GGA1: variants seen among roughly 807,000 people sequenced by gnomAD.
GGA1 encodes the protein ADP-ribosylation factor-binding protein GGA1.
A neutral mutation model predicts 76.9 loss-of-function variants in GGA1; 18 were observed. The ratio of observed to expected loss-of-function variants is 0.23; its 90% CI spans 0.16 to 0.35. The LOEUF (loss-of-function observed/expected upper bound fraction) is 0.35, where lower values mean the gene tolerates loss of function less well. Among genes scored for constraint, GGA1 ranks in the 10% least tolerant of loss-of-function variants. The pLI, the probability that GGA1 is intolerant of heterozygous loss-of-function variation, is 1.00. For missense variants in GGA1, 755 were observed against 859.0 expected (o/e 0.88, Z 1.51); for synonymous variants, 342 against 354.7 (o/e 0.96, Z 0.40).
At chr22:37,612,364 C>A (rs185408110) in intron 1 of GGA1, among the ~76,000 whole-genome samples, 2,658 of 145,532 alleles carry the variant, frequency 0.018, 98 homozygotes, top group African/African-American at 0.066. Flanking sequence ...CCCAGCTACT[C>A]GGGAGGCTGA....
At position 37,608,868 on chromosome 22, in the gene GGA1, C is replaced by T. The variant is rs1031819041; in HGVS notation, c.8C>T (p.Pro3Leu). MEPAMEPETLEAR... is the reference protein window; with the variant it reads MELAMEPETLEAR... ...GCTGGGGGCCGGTGGCGGATGGAGC[C>T]CGCGATGGAGCCGGAGACTCTGGAG... is the stretch of plus-strand genomic sequence containing the variant. Residue 3 changes from proline (P) to leucine (L), a missense_variant, in exon 1 of 17, where the codon CCC (proline) becomes CTC (leucine). Physicochemically the swap from Pro to Leu is moderately conservative, Grantham distance 98 (BLOSUM62 -3). Coordinates refer to ENST00000343632, the MANE Select transcript of GGA1 (RefSeq NM_013365.5). 17 of 1,306,102 alleles carry T rather than the reference C, an allele frequency of 1.3e-5. No homozygotes were observed. The highest frequency in any genetic ancestry group is 1.7e-5 in the Non-Finnish European group (17 of 1,028,110). The allele number at this position is 1,306,102 out of a possible 1,614,324, so 80.9% of individuals were successfully genotyped here. A position where few individuals can be genotyped will look rare whatever the true frequency, so the allele number is the denominator to read the frequency against.
Position 37,616,931 on chromosome 22 carries a change from C to G in GGA1, c.138C>G (p.Leu46=), listed in dbSNP as rs199706784. 1 of 1,605,632 alleles carries G rather than the reference C, an allele frequency of 6.2e-7. No individual in the cohort carries two copies. Among genetic ancestry groups the G allele is most frequent in the South Asian group, 1.1e-5 (1 of 89,552 alleles). ...TGTTCCTCCCACCCAGGCCTCCACT[C>G]GCCACCCGGCTGCTGGCCCACAAGA... The part of the protein sequence containing the change: ...QLNEDFEGPP[L]ATRLLAHKIQ... The change falls in exon 3 of 17, where the codon CTC becomes CTG. Residue 46 remains leucine (L), a synonymous_variant. Coordinates refer to ENST00000343632, the MANE Select transcript of GGA1 (RefSeq NM_013365.5).
chr22:37,611,139 C>T (rs1271304308), intron 1 of GGA1, among the ~76,000 whole-genome samples: 1 of 152,206 alleles, frequency 6.6e-6, no homozygotes, highest in Non-Finnish European at 1.5e-5. Context: ...GACTCGGAGG[C>T]AGAGTAGACA....
chr22:37,620,466 G>T (rs1235517441), intron 5 of GGA1, 105 bp downstream of exon 5: 1 of 1,222,260 alleles, frequency 8.2e-7, no homozygotes, highest in Admixed American at 1.9e-5. Flanking sequence ...GCAAGGTCAT[G>T]GGTCTGTCCT....
intron 14 of GGA1, among the ~76,000 whole-genome samples, chr22:37,631,674 G>A (rs1287442929): frequency 2.0e-5 from 3 of 152,206 alleles, no homozygotes; most frequent in Non-Finnish European, 2.9e-5. Flanking sequence ...GTCACACAGC[G>A]TGAGACTCAC....
Position 37,625,403 on chromosome 22 carries a change from G to T in GGA1, c.940+327G>T, listed in dbSNP as rs1373585932. On this transcript the variant is annotated intron_variant, in intron 10 of 16. Coordinates refer to ENST00000343632, the MANE Select transcript of GGA1 (RefSeq NM_013365.5). This position sits in a 1 kb window ranked among gnomAD's most constrained non-coding sequence, Gnocchi z 4.1. ...TTTATGTATCAGAAAATGCGAGGGG[G>T]GTTAGAAAAGTAAACATTACAGACT... 1.3e-5 allele frequency among the ~76,000 whole-genome samples: 2 copies of T among 152,056 alleles called. No individual in the cohort carries two copies. The highest frequency in any genetic ancestry group is 4.8e-5 in the African/African-American group (2 of 41,382).
intron 11 of GGA1, among the ~76,000 whole-genome samples, chr22:37,627,462 C>T (rs1341725295): frequency 6.6e-6 from 1 of 152,142 alleles, no homozygotes; most frequent in Non-Finnish European, 1.5e-5. Flanking sequence ...CATTCAGAGC[C>T]AAGGGTGACC....
intron 13 of GGA1, 47 bp downstream of exon 13, chr22:37,630,217 C>G (rs1931556468): frequency 5.7e-6 from 8 of 1,391,638 alleles, no homozygotes; most frequent in African/African-American, 1.5e-5. Flanking sequence ...ACTCCCTGTT[C>G]CCACAAACCA....
rs1158323144 is a variant in GGA1, at chr22:37,624,349, G to A, written c.833-620G>A. ...GCAGTGGTTCACACCTGTAATCCCA[G>A]CATTTTGGGAGGCCAAGGTGGGAGG... On this transcript the variant is annotated intron_variant, in intron 9 of 16. Transcript: ENST00000343632. The surrounding 1 kb of genome is among the most constrained non-coding windows in gnomAD (Gnocchi z 4.3). 6.5e-6 allele frequency: 1 copy of A among 153,134 alleles called. No individual in the cohort carries two copies. Among genetic ancestry groups the A allele is most frequent in the Non-Finnish European group, 1.5e-5 (1 of 68,800 alleles). The allele number at this position is 153,134 out of a possible 1,614,324, so 9.5% of individuals were successfully genotyped here.
At position 37,620,827 on chromosome 22, in the gene GGA1, G is replaced by A. The variant is rs762217256; in HGVS notation, c.442G>A (p.Asp148Asn). 6.5e-5 allele frequency: 104 copies of A among 1,607,266 alleles called. No homozygotes were observed. The East Asian group carries it at 2.1e-3, about 32-fold the overall frequency. Residue 148 changes from aspartate to asparagine, a missense_variant, in exon 6 of 17, where the codon GAC becomes AAC. Transcript: ENST00000343632. ...MLKKQGIVKS[D>N]PKLPDDTTFP... ...ATCTAATCCAGGGATTGTAAAGTCCGACCCCAAGCTTCCAGATGACACTAC... is the reference window on the plus strand; with the variant it reads ...ATCTAATCCAGGGATTGTAAAGTCCAACCCCAAGCTTCCAGATGACACTAC...
At chr22:37,620,167 G>A in intron 4 of GGA1, 71 bp from the exon 5 acceptor site, 9 of 1,574,924 alleles carry the variant, frequency 5.7e-6, no homozygotes, top group Non-Finnish European at 7.9e-6. Flanking sequence ...GCAGTAGGGT[G>A]TGGACAGGGC....
intron 11 of GGA1, chr22:37,626,904 G>A (rs1930955925): frequency 6.6e-6 from 1 of 152,326 alleles, no homozygotes; most frequent in Non-Finnish European, 1.5e-5. Context: ...GCTCACGCCT[G>A]GAATCCCAGC....
At chr22:37,612,923 T>C (rs1928007303) in intron 1 of GGA1, 2 of 985,172 alleles carry the variant, frequency 2.0e-6, no homozygotes, top group Non-Finnish European at 2.4e-6. Flanking sequence ...CATGTAGACC[T>C]GTTGGCCCTC....
chr22:37,625,886 C>G lies in GGA1; in HGVS notation c.1030C>G (p.Gln344Glu), dbSNP rs1930731536. 1 of 1,610,564 alleles carries G rather than the reference C, an allele frequency of 6.2e-7. No homozygotes were observed. The highest frequency in any genetic ancestry group is 1.3e-5 in the African/African-American group (1 of 74,940). Reference protein sequence around the residue: ...YPAMPTRPGEQASPEQPSASV... With the variant: ...YPAMPTRPGEEASPEQPSASV... ...AGCTATGCCCACCCGCCCTGGCGAG[C>G]AGGCCAGCCCTGAGCAGCCCAGTGC... The change falls in exon 11 of 17, where the codon CAG (glutamine) becomes GAG (glutamate). Residue 344 changes from glutamine to glutamate, a missense_variant. Transcript: ENST00000343632. The surrounding 1 kb of genome is among the most constrained non-coding windows in gnomAD (Gnocchi z 4.1).
intron 1 of GGA1, chr22:37,609,371 T>A (rs1286349222): frequency 1.8e-6 from 2 of 1,082,026 alleles, no homozygotes; most frequent in African/African-American, 1.7e-5. Context: ...GTAGTCACAT[T>A]TGCTCATTAC....
intron 3 of GGA1, 153 bp from the exon 4 acceptor site, chr22:37,618,295 G>A: frequency 1.7e-6 from 1 of 604,202 alleles, no homozygotes. Context: ...AGTCCCAGAG[G>A]CCTGTGTGAC....
At position 37,609,347 on chromosome 22, in the gene GGA1, C is replaced by G. The variant is rs975453829; in HGVS notation, c.43+444C>G. On this transcript the variant is annotated intron_variant, in intron 1 of 16. Coordinates refer to ENST00000343632, the MANE Select transcript of GGA1 (RefSeq NM_013365.5). ...CCACTCTCTGGCCCTGCATGGCGTT[C>G]CTGGAGCCCGCAAGTAGTCACATTT... 3 of 1,095,616 alleles carry G rather than the reference C, an allele frequency of 2.7e-6. No individual in the cohort carries two copies. The African/African-American group carries it at 5.2e-5, about 19-fold the overall frequency. The allele number at this position is 1,095,616 out of a possible 1,614,324, so 67.9% of individuals were successfully genotyped here. A position where few individuals can be genotyped will look rare whatever the true frequency, so the allele number is the denominator to read the frequency against.
intron 4 of GGA1, chr22:37,619,664 T>C (rs8138728): frequency 0.57 from 344,704 of 603,176 alleles, 100,962 homozygotes; most frequent in African/African-American, 0.78. Flanking sequence ...GCGTGAGCCA[T>C]GGCCTCCGGC....
At chr22:37,621,919 G>A (rs1402694376) in intron 7 of GGA1, among the ~76,000 whole-genome samples, 1 of 151,518 alleles carries the variant, frequency 6.6e-6, no homozygotes, top group Non-Finnish European at 1.5e-5. Flanking sequence ...CTACCTCTTC[G>A]TCAAAAGTTA....
Sources: allele counts gnomAD v4.1 joint callset (sites outside exome capture counted in the v4.1 genomes callset), GRCh38; gene constraint gnomAD v4.1.1; non-coding constraint Gnocchi (gnomAD v3.1); transcripts MANE v1.5; gene names NCBI Gene and HGNC (gene_info 2026-07-23, HGNC 2026-07-21).